The following MMP13 variants were observed in gnomAD, a reference collection of about 807,000 sequenced individuals.
The protein encoded by MMP13 is collagenase 3.
A neutral mutation model predicts 52.1 loss-of-function variants in MMP13; 45 were observed. That is an observed-to-expected ratio of 0.86 (90% CI 0.68 to 1.11). The LOEUF (loss-of-function observed/expected upper bound fraction) is 1.11. Among genes scored for constraint, MMP13 ranks in the 50% least tolerant of loss-of-function variants. The probability of loss-of-function intolerance (pLI) is 0.00; values close to 1 mark genes in which losing one functional copy is unlikely to be tolerated. For synonymous variants in MMP13, 200 were observed against 204.4 expected (o/e 0.98, Z 0.18); for missense variants, 576 against 583.8 (o/e 0.99, Z 0.14).
chr11:102,943,202 T>G lies in MMP13; in HGVS notation c.*1064A>C, dbSNP rs17860586. On this transcript the variant is annotated 3_prime_UTR_variant, in exon 10 of 10. Transcript: ENST00000260302. The stretch of plus-strand genomic sequence containing the variant: ...CACTGTGGGAAGTGCTGGGGGATTT[T>G]TTTAAATGCAGAGAAAAAAAGGCAT... 12 of 152,264 alleles carry G rather than the reference T, an allele frequency of 7.9e-5. 2 individuals are homozygous for G. In the South Asian group the frequency reaches 2.5e-3, roughly 32 times the overall value. The allele number at this position is 152,264 out of a possible 1,614,324, so 9.4% of individuals were successfully genotyped here. A position where few individuals can be genotyped will look rare whatever the true frequency, so the allele number is the denominator to read the frequency against.
intron 6 of MMP13, 90 bp downstream of exon 6, chr11:102,950,019 TG>T: frequency 9.1e-7 from 1 of 1,098,004 alleles, no homozygotes; most frequent in South Asian, 1.2e-5. Flanking sequence ...ACTTCGCCTT[TG>T]GAAGTCTGAC....
chr11:102,948,769 AAG>A (rs1450410335), intron 7 of MMP13, among the ~76,000 whole-genome samples: 1 of 152,212 alleles, frequency 6.6e-6, no homozygotes, highest in African/African-American at 2.4e-5. Context: ...AAGCAGAACT[AAG>A]AGAAAAAACT....
At position 102,955,653 on chromosome 11, in the gene MMP13, C is replaced by T. The variant is rs777733493; in HGVS notation, c.53G>A (p.Arg18Gln). Residue 18 changes from arginine (R) to glutamine (Q), a missense_variant, in exon 1 of 10, where the codon CGG becomes CAG. Physicochemically the swap from Arg to Gln is conservative, Grantham distance 43. Coordinates refer to ENST00000260302, the MANE Select transcript of MMP13 (RefSeq NM_002427.4). The surrounding 1 kb of genome is among the most constrained non-coding windows in gnomAD (Gnocchi z 4.9). ...AFLFLSWTHC[R>Q]ALPLPSGGDE... ...ACCACCACTGGGAAGGGGCAGGGCC[C>T]GACAATGAGTCCAGCTCAAGAAGAG... 25 of 1,613,956 alleles carry T rather than the reference C, an allele frequency of 1.5e-5. No individual in the cohort carries two copies. The highest frequency in any genetic ancestry group is 1.9e-5 in the Non-Finnish European group (23 of 1,179,908).
rs17860551 is a variant in MMP13, at chr11:102,950,694, G to A, written c.800-467C>T. ...TTCACCAGTTTGCCATGGTGCAGCT[G>A]TATCTCAGCTGTGACAAACCAGGCC... is the stretch of plus-strand genomic sequence containing the variant. On this transcript the variant is annotated intron_variant, in intron 5 of 9. Transcript: ENST00000260302. Among the ~76,000 whole-genome samples, 213 of 152,230 alleles carry A rather than the reference G, an allele frequency of 1.4e-3. 1 individual carries two copies. The highest frequency in any genetic ancestry group is 5.0e-3 in the African/African-American group (206 of 41,554).
rs562305039 is a variant in MMP13, at chr11:102,949,768, C to T, written c.917+342G>A. Among the ~76,000 whole-genome samples the T allele has an allele frequency of 2.0e-5, 3 of 152,172 alleles. No individual in the cohort carries two copies. The highest frequency in any genetic ancestry group is 1.9e-4 in the East Asian group (1 of 5,188). On this transcript the variant is annotated intron_variant, in intron 6 of 9. Transcript: ENST00000260302. This position sits in a 1 kb window ranked among gnomAD's most constrained non-coding sequence, Gnocchi z 4.2. Reference sequence around the variant, plus strand: ...AAGTCTTTCCATACCAAAACGAATCCGTGTGGGCCTAACGAGTAACCATTT... The same window carrying T: ...AAGTCTTTCCATACCAAAACGAATCTGTGTGGGCCTAACGAGTAACCATTT...
At chr11:102,945,509 C>T in intron 9 of MMP13, 137 bp downstream of exon 9, 1 of 685,376 alleles carries the variant, frequency 1.5e-6, no homozygotes, top group Non-Finnish European at 2.5e-6. Flanking sequence ...TAGGTAGTCA[C>T]ACAGGAACAA....
At chr11:102,953,109 T>A (rs1281122255) in intron 4 of MMP13, among the ~76,000 whole-genome samples, 1 of 152,168 alleles carries the variant, frequency 6.6e-6, no homozygotes, top group East Asian at 1.9e-4. Context: ...TGACTAGTAA[T>A]GGATACCCCT....
chr11:102,951,637 C>A (rs868930963), intron 5 of MMP13, among the ~76,000 whole-genome samples: 1 of 152,208 alleles, frequency 6.6e-6, no homozygotes, highest in Middle Eastern at 3.4e-3. Context: ...GGGATACATT[C>A]TGAAAAATGT....
In MMP13 at chr11:102,955,608, TC is replaced by T; in HGVS notation, c.97del (p.Glu33ArgfsTer11). Reference protein sequence around the residue: ...PSGGDEDDLSEEDLQFAERYL... With the variant: ...PSGGDEDDLSXEDLQFAERYL... ...TACCTCTGCAAACTGGAGGTCTTCC[TC>T]AGACAAATCATCTTCATCACCACCA... On this transcript the variant is annotated frameshift_variant, in exon 1 of 10. Transcript: ENST00000260302. LOFTEE classifies it high-confidence loss of function. This position sits in a 1 kb window ranked among gnomAD's most constrained non-coding sequence, Gnocchi z 4.9. The T allele has an allele frequency of 6.2e-7, 1 of 1,613,996 alleles. No individual in the cohort carries two copies. Among genetic ancestry groups the T allele is most frequent in the South Asian group, 1.1e-5 (1 of 91,088 alleles).
At chr11:102,947,190 C>T (rs538850427) in intron 8 of MMP13, among the ~76,000 whole-genome samples, 15 of 152,278 alleles carry the variant, frequency 9.9e-5, no homozygotes, top group African/African-American at 3.4e-4. Context: ...TTTTCCTGTA[C>T]TCATGCTGGT....
chr11:102,951,853 A>T (rs1325692802), intron 5 of MMP13, among the ~76,000 whole-genome samples, 159 bp downstream of exon 5: 2 of 152,218 alleles, frequency 1.3e-5, no homozygotes, highest in Non-Finnish European at 2.9e-5. Context: ...AGAAAGGTAC[A>T]TTAAAAATAC....
chr11:102,947,121 T>C (rs1016464992), intron 8 of MMP13, among the ~76,000 whole-genome samples: 3 of 152,234 alleles, frequency 2.0e-5, no homozygotes, highest in African/African-American at 7.2e-5. Context: ...AGCTTCCTGG[T>C]CAACCTCTCC....
chr11:102,945,251 A>G (rs1555016535), intron 9 of MMP13: 2 of 980,054 alleles, frequency 2.0e-6, no homozygotes, highest in Non-Finnish European at 2.6e-6. Flanking sequence ...CAAAAAAAAA[A>G]AAAAAGGTTG....
In MMP13 at chr11:102,950,179, T is replaced by A; in HGVS notation, c.848A>T (p.Lys283Ile). The change falls in exon 6 of 10, where the codon AAA becomes ATA. Residue 283 changes from lysine (K) to isoleucine (I), a missense_variant. Lys to Ile is a moderately radical substitution (Grantham distance 102, BLOSUM62 -3). Transcript: ENST00000260302. ...ATCAAGGGATAAGGAAGGGTCACAT[T>A]TGTCTGGCGTTTTTGGATGTTTAGG... is the stretch of plus-strand genomic sequence containing the variant. ...PNPKHPKTPD[K>I]CDPSLSLDAI... 1.2e-6 allele frequency: 2 copies of A among 1,613,874 alleles called. No individual in the cohort carries two copies. The highest frequency in any genetic ancestry group is 1.6e-4 in the Middle Eastern group (1 of 6,062).
At position 102,952,277 on chromosome 11, in the gene MMP13, T is replaced by C. The variant is rs941051652; in HGVS notation, c.638-104A>G. 8 of 1,312,090 alleles carry C rather than the reference T, an allele frequency of 6.1e-6. No individual in the cohort carries two copies. Among genetic ancestry groups the C allele is most frequent in the African/African-American group, 5.9e-5 (4 of 67,968 alleles). 81.3% of individuals were successfully genotyped at this position (1,312,090 alleles called of 1,614,324 possible). ...CTGGTATGTTTCTTTCTTGGCTATATACTTTCTTTTCTCTTTCTTCAGTCT... is the reference window on the plus strand; with the variant it reads ...CTGGTATGTTTCTTTCTTGGCTATACACTTTCTTTTCTCTTTCTTCAGTCT... On this transcript the variant is annotated intron_variant, in intron 4 of 9. Transcript: ENST00000260302. This position sits in a 1 kb window ranked among gnomAD's most constrained non-coding sequence, Gnocchi z 4.3.
At chr11:102,950,004 T>C in intron 6 of MMP13, 106 bp downstream of exon 6, 1 of 911,024 alleles carries the variant, frequency 1.1e-6, no homozygotes, top group South Asian at 1.3e-5. Flanking sequence ...CCATTTTTAC[T>C]GCTAACTTCG....
At chr11:102,954,686 T>C in intron 2 of MMP13, 80 bp from the exon 3 acceptor site, 1 of 1,323,766 alleles carries the variant, frequency 7.6e-7, no homozygotes. Context: ...TATATTGCTT[T>C]TCAATTCAAA....
chr11:102,948,139 T>G, intron 7 of MMP13, 89 bp from the exon 8 acceptor site: 4 of 979,680 alleles, frequency 4.1e-6, no homozygotes, highest in South Asian at 1.5e-5. Flanking sequence ...AGGCCCACTT[T>G]TACATTGAGA....
chr11:102,948,009 C>G lies in MMP13; in HGVS notation c.1093G>C (p.Gly365Arg). Reference sequence around the variant, plus strand: ...AGTTCAGATATTTTTTTGGGATAACCTTCCAGAATGTCATAACCATTAAGA... The same window carrying G: ...AGTTCAGATATTTTTTTGGGATAACGTTCCAGAATGTCATAACCATTAAGA... ...WALNGYDILE[G>R]YPKKISELGL... The change falls in exon 8 of 10, where the codon GGT (glycine) becomes CGT (arginine). Residue 365 changes from glycine (G) to arginine (R), a missense_variant. Transcript: ENST00000260302. 2 of 1,613,752 alleles carry G rather than the reference C, an allele frequency of 1.2e-6. No individual in the cohort carries two copies. Among genetic ancestry groups the G allele is most frequent in the South Asian group, 2.2e-5 (2 of 91,064 alleles).
Sources: gnomAD v4.1 joint callset for allele counts (sites outside exome capture counted in the v4.1 genomes callset) on GRCh38, gnomAD v4.1.1 for gene constraint, Gnocchi (gnomAD v3.1) non-coding constraint, MANE v1.5 for transcripts, NCBI Gene and HGNC (gene_info 2026-07-23, HGNC 2026-07-21) for gene names.